Variants in ZMAT4 observed in about 807,000 individuals in gnomAD.
ZMAT4 encodes the protein zinc finger matrin-type 4.
In ZMAT4, 17 loss-of-function variants were observed where a neutral mutation model predicts 28.7. The observed-to-expected ratio is 0.59, with a 90% CI of 0.41 to 0.89. The LOEUF is 0.89. ZMAT4 is among the 40% of genes least tolerant of loss of function. ZMAT4 has a pLI of 0.00. For missense variants in ZMAT4, 240 were observed against 283.8 expected (o/e 0.85, Z 1.11); for synonymous variants, 117 against 109.2 (o/e 1.07, Z -0.44).
intron 5 of ZMAT4, among the ~76,000 whole-genome samples, chr8:40,633,304 T>C (rs745913477): frequency 1.3e-5 from 2 of 152,200 alleles, no homozygotes; most frequent in Non-Finnish European, 2.9e-5. Context: ...GCCTGAGCAA[T>C]TCAACTCATA....
rs561583197 is a variant in ZMAT4, at chr8:40,772,546, C to T, written c.103-4816G>A. Among the ~76,000 whole-genome samples the T allele has an allele frequency of 7.2e-5, 11 of 152,272 alleles. No homozygotes were observed. The East Asian group carries it at 7.7e-4, about 11-fold the overall frequency. On this transcript the variant is annotated intron_variant, in intron 2 of 6. Transcript: ENST00000297737. ...TGATTTCTGGTATCATAAAACGTGG[C>T]GATAACAAAGCAACCTTGTATTTGC... is the stretch of plus-strand genomic sequence containing the variant.
chr8:40,708,265 C>T (rs1407704406), intron 3 of ZMAT4, among the ~76,000 whole-genome samples: 3 of 152,206 alleles, frequency 2.0e-5, no homozygotes, highest in Non-Finnish European at 4.4e-5. Context: ...AGAACAGCAG[C>T]TGGCATCAGG....
At chr8:40,870,216 C>A (rs750272889) in intron 1 of ZMAT4, among the ~76,000 whole-genome samples, 86 of 152,148 alleles carry the variant, frequency 5.7e-4, no homozygotes, top group Non-Finnish European at 1.5e-4. Flanking sequence ...GCAAGACAGC[C>A]TTTGTTCATC....
chr8:40,880,545 G>A (rs1818186055), intron 1 of ZMAT4, among the ~76,000 whole-genome samples: 1 of 151,980 alleles, frequency 6.6e-6, no homozygotes, highest in African/African-American at 2.4e-5. Context: ...TTTTATTATT[G>A]TTATTGTTGG....
intron 1 of ZMAT4, among the ~76,000 whole-genome samples, chr8:40,845,582 G>A (rs142008216): frequency 6.6e-6 from 1 of 152,028 alleles, no homozygotes; most frequent in African/African-American, 2.4e-5. Context: ...ACAGTGTCCT[G>A]TAATCTAACT....
At chr8:40,666,804 T>C (rs1808434258) in intron 5 of ZMAT4, among the ~76,000 whole-genome samples, 1 of 152,128 alleles carries the variant, frequency 6.6e-6, no homozygotes, top group African/African-American at 2.4e-5. Context: ...CACATTTTTT[T>C]CAATCAATAT....
chr8:40,599,219 G>A (rs1014386168), intron 5 of ZMAT4, among the ~76,000 whole-genome samples: 1 of 152,006 alleles, frequency 6.6e-6, no homozygotes, highest in African/African-American at 2.4e-5. Context: ...ATAGGCCCCT[G>A]GGGAATAAGA....
At chr8:40,754,196 A>G (rs1812576870) in intron 3 of ZMAT4, among the ~76,000 whole-genome samples, 1 of 152,126 alleles carries the variant, frequency 6.6e-6, no homozygotes, top group South Asian at 2.1e-4. Context: ...AAAAGGTTTA[A>G]CAAATGGCAT....
chr8:40,670,465 AC>A (rs1461580260), intron 5 of ZMAT4, among the ~76,000 whole-genome samples: 26 of 152,352 alleles, frequency 1.7e-4, no homozygotes, highest in African/African-American at 6.0e-4. Context: ...ATATCTTGGT[AC>A]AGGCAAAGAT....
chr8:40,584,667 C>T (rs1322222749), intron 5 of ZMAT4, among the ~76,000 whole-genome samples: 2 of 152,082 alleles, frequency 1.3e-5, no homozygotes, highest in Non-Finnish European at 2.9e-5. Context: ...GAGTCTCGCC[C>T]TGTCACCCAG....
intron 1 of ZMAT4, among the ~76,000 whole-genome samples, chr8:40,866,120 C>T (rs1817669473): frequency 6.6e-6 from 1 of 152,124 alleles, no homozygotes. Context: ...CTTCAAGGGC[C>T]CCTAGAAAGA....
At chr8:40,632,742 A>G (rs1806642497) in intron 5 of ZMAT4, among the ~76,000 whole-genome samples, 1 of 152,182 alleles carries the variant, frequency 6.6e-6, no homozygotes, top group Non-Finnish European at 1.5e-5. Flanking sequence ...GAGATAATCA[A>G]TTTCTTTTGT....
At chr8:40,539,002 T>C (rs1208883085) in intron 6 of ZMAT4, among the ~76,000 whole-genome samples, 1 of 152,106 alleles carries the variant, frequency 6.6e-6, no homozygotes, top group Non-Finnish European at 1.5e-5. Context: ...GCCAGGCTGG[T>C]CTTGATCTCC....
chr8:40,752,368 A>G (rs972872918), intron 3 of ZMAT4, among the ~76,000 whole-genome samples: 11 of 152,188 alleles, frequency 7.2e-5, no homozygotes, highest in African/African-American at 2.4e-4. Flanking sequence ...GTCTTGGCTT[A>G]AAGGAAGCTC....
chr8:40,727,296 A>G (rs1426874417), intron 3 of ZMAT4, among the ~76,000 whole-genome samples: 1 of 152,154 alleles, frequency 6.6e-6, no homozygotes, highest in Non-Finnish European at 1.5e-5. Context: ...CAACAGAACA[A>G]TCATATTCCC....
chr8:40,707,386 T>G (rs1810407069), intron 3 of ZMAT4, among the ~76,000 whole-genome samples: 1 of 152,318 alleles, frequency 6.6e-6, no homozygotes, highest in East Asian at 1.9e-4. Flanking sequence ...AGATTCAGAT[T>G]CAAAAGATAC....
chr8:40,886,486 A>G (rs1236987197), intron 1 of ZMAT4, among the ~76,000 whole-genome samples: 2 of 152,170 alleles, frequency 1.3e-5, no homozygotes, highest in Non-Finnish European at 2.9e-5. Context: ...CACTCAGGAC[A>G]AGTGTCACCT....
intron 6 of ZMAT4, among the ~76,000 whole-genome samples, chr8:40,535,066 G>C (rs1489690467): frequency 6.6e-6 from 1 of 152,130 alleles, no homozygotes; most frequent in Non-Finnish European, 1.5e-5. Flanking sequence ...TTAGAAAAAT[G>C]TTGGGCAATT....
At chr8:40,655,223 T>C (rs1270247938) in intron 5 of ZMAT4, among the ~76,000 whole-genome samples, 2 of 152,198 alleles carry the variant, frequency 1.3e-5, no homozygotes, top group Non-Finnish European at 2.9e-5. Context: ...CCACTTGCAA[T>C]TGTGTAAAAA....
Sources: allele counts gnomAD v4.1 joint callset (sites outside exome capture counted in the v4.1 genomes callset), GRCh38; gene constraint gnomAD v4.1.1; transcripts MANE v1.5; gene names NCBI Gene and HGNC (gene_info 2026-07-23, HGNC 2026-07-21).